Variants in BCAT1 observed in about 807,000 individuals in gnomAD.
BCAT1 encodes branched-chain-amino-acid aminotransferase, cytosolic.
In BCAT1, 48 loss-of-function variants were observed where a neutral mutation model predicts 52.4. The ratio of observed to expected loss-of-function variants is 0.92; its 90% confidence interval spans 0.73 to 1.16. The LOEUF is 1.16. Among genes scored for constraint, BCAT1 ranks in the 50% most tolerant of loss-of-function variants. The pLI is 0.00. For missense variants in BCAT1, 451 were observed against 457.1 expected, an observed-to-expected ratio of 0.99 and a Z score of 0.12; for synonymous variants, 167 against 161.3, an observed-to-expected ratio of 1.04 and a Z score of -0.27.
rs1472421250 is a variant in BCAT1 at position 24,813,053 on chromosome 12, T to C, written c.*4955A>G. 1 of 152,022 alleles carries C rather than the reference T, an allele frequency of 6.6e-6. No homozygotes were observed. The highest frequency in any genetic ancestry group is 2.4e-5 in the African/African-American group (1 of 41,438). 9.4% of individuals were successfully genotyped at this position (152,022 alleles called of 1,614,324 possible). A position where few individuals can be genotyped will look rare whatever the true frequency, so the allele number is the denominator to read the frequency against. ...GGGCACTTCAAATTTGTTCTTCTTT[T>C]TCTCCCCCATCACCCCCATTTCAAT... On this transcript the variant is annotated 3_prime_UTR_variant, in exon 11 of 11. Transcript: ENST00000261192.
At chr12:24,885,935 T>C (rs1238080612) in intron 3 of BCAT1, among the ~76,000 whole-genome samples, 2 of 152,160 alleles carry the variant, frequency 1.3e-5, no homozygotes, top group Non-Finnish European at 2.9e-5. Flanking sequence ...ATCTTTATAA[T>C]ATAAGGGCAG....
At chr12:24,912,568 CA>C (rs1352351959) in intron 1 of BCAT1, among the ~76,000 whole-genome samples, 1 of 151,198 alleles carries the variant, frequency 6.6e-6, no homozygotes, top group Non-Finnish European at 1.5e-5. Context: ...TACATACACC[CA>C]AAGGAGAAAA....
intron 5 of BCAT1, among the ~76,000 whole-genome samples, chr12:24,861,147 C>A (rs1289014860): frequency 6.6e-6 from 1 of 152,134 alleles, no homozygotes. Flanking sequence ...TTCATTGTTT[C>A]GAGTTTTTTC....
chr12:24,906,523 A>C (rs1249450239), intron 1 of BCAT1, among the ~76,000 whole-genome samples: 1 of 152,166 alleles, frequency 6.6e-6, no homozygotes, highest in African/African-American at 2.4e-5. Context: ...CTCCGCTGTA[A>C]AATGAGACAA....
intron 5 of BCAT1, among the ~76,000 whole-genome samples, chr12:24,877,128 T>C (rs1942371129): frequency 6.6e-6 from 1 of 152,188 alleles, no homozygotes; most frequent in Non-Finnish European, 1.5e-5. Flanking sequence ...AAGAAAACAC[T>C]TCGGTATTTA....
At chr12:24,879,651 A>G (rs1294387792) in intron 4 of BCAT1, among the ~76,000 whole-genome samples, 1 of 152,208 alleles carries the variant, frequency 6.6e-6, no homozygotes, top group East Asian at 1.9e-4. Flanking sequence ...AGCCCCTGGT[A>G]TTGCTGTCTA....
chr12:24,931,467 T>C (rs916289912), intron 1 of BCAT1, among the ~76,000 whole-genome samples: 2 of 152,002 alleles, frequency 1.3e-5, no homozygotes, highest in Non-Finnish European at 2.9e-5. Flanking sequence ...CTAGGATGAA[T>C]GACTAAGGAC....
At chr12:24,943,702 A>C (rs370947556) in intron 1 of BCAT1, among the ~76,000 whole-genome samples, 1 of 151,988 alleles carries the variant, frequency 6.6e-6, no homozygotes, top group East Asian at 1.9e-4. Flanking sequence ...AAGTAGTTTG[A>C]GGCCGGGAGC....
At chr12:24,912,512 TC>T (rs1943343899) in intron 1 of BCAT1, among the ~76,000 whole-genome samples, 1 of 151,878 alleles carries the variant, frequency 6.6e-6, no homozygotes, top group Non-Finnish European at 1.5e-5. Flanking sequence ...AGAGTGAGAC[TC>T]CATCTCAGAG....
Position 24,880,856 on chromosome 12 carries a change from T to TA in BCAT1, c.390+444dup, listed in dbSNP as rs1555110311. Among the ~76,000 whole-genome samples, 26 of 151,770 alleles carry TA rather than the reference T, an allele frequency of 1.7e-4. No individual in the cohort carries two copies. The East Asian group carries it at 5.0e-3, about 29-fold the overall frequency. On this transcript the variant is annotated intron_variant, in intron 4 of 10. Coordinates refer to ENST00000261192, the MANE Select transcript of BCAT1 (RefSeq NM_005504.7). Reference sequence around the variant, plus strand: ...TTTTTTGTTTTTTGTTTTTTTTTTTTACAGAGTCTCACTTTGCGGCTTAGG... The same window carrying TA: ...TTTTTTGTTTTTTGTTTTTTTTTTTTAACAGAGTCTCACTTTGCGGCTTAGG...
chr12:24,818,014 T>C lies in BCAT1; in HGVS notation c.1155A>G (p.Leu385=), dbSNP rs773691900. The change falls in exon 11 of 11, where the codon CTA becomes CTG. Residue 385 remains leucine (L), a synonymous_variant. Transcript: ENST00000261192. ...TGTATCCTCTATTTTCCATTCAGGA[T>C]AGCACAATTGTCCAGTCGCTCTCTT... ...GREESDWTIV[L]S 7 of 1,612,954 alleles carry C rather than the reference T, an allele frequency of 4.3e-6. No homozygotes were observed. In the Admixed American group the frequency reaches 5.0e-5, roughly 12 times the overall value.
At chr12:24,861,648 T>C (rs11047682) in intron 5 of BCAT1, among the ~76,000 whole-genome samples, 9,176 of 152,276 alleles carry the variant, frequency 0.06, 356 homozygotes, top group Non-Finnish European at 0.08. Context: ...ATTTTGGGAT[T>C]AAGGGTCCCT....
intron 1 of BCAT1, among the ~76,000 whole-genome samples, chr12:24,916,018 G>C (rs977692511): frequency 6.6e-6 from 1 of 152,096 alleles, no homozygotes; most frequent in African/African-American, 2.4e-5. Flanking sequence ...AATTAGCTGG[G>C]AGTAGCAACA....
At chr12:24,904,733 G>A (rs909222391) in intron 1 of BCAT1, 7 of 152,188 alleles carry the variant, frequency 4.6e-5, no homozygotes, top group Admixed American at 2.6e-4. Flanking sequence ...AAATAAAAAC[G>A]GTGTATCTAT....
At chr12:24,896,214 T>A (rs1942957262) in intron 2 of BCAT1, among the ~76,000 whole-genome samples, 1 of 152,226 alleles carries the variant, frequency 6.6e-6, no homozygotes, top group South Asian at 2.1e-4. Flanking sequence ...CTAAGTATAA[T>A]AAGTTTATTT....
intron 4 of BCAT1, among the ~76,000 whole-genome samples, chr12:24,880,284 A>G (rs776646034): frequency 2.5e-4 from 38 of 152,164 alleles, no homozygotes; most frequent in Non-Finnish European, 4.9e-4. Context: ...TCATGTCTCC[A>G]CTAAAAATAA....
chr12:24,842,310 A>G (rs1189054588), intron 6 of BCAT1, 86 bp from the exon 7 acceptor site: 60 of 1,446,976 alleles, frequency 4.1e-5, no homozygotes, highest in Non-Finnish European at 5.7e-5. Context: ...TCAAGCTCTT[A>G]ATTCACATGT....
intron 3 of BCAT1, among the ~76,000 whole-genome samples, chr12:24,887,087 A>ATG (rs1942699627): frequency 9.4e-6 from 1 of 105,870 alleles, no homozygotes; most frequent in South Asian, 3.1e-4. Context: ...AAAAATATAT[A>ATG]TATATATATA....
At chr12:24,829,008 AAAAT>A (rs1378156178) in intron 10 of BCAT1, among the ~76,000 whole-genome samples, 3 of 142,952 alleles carry the variant, frequency 2.1e-5, no homozygotes, top group Non-Finnish European at 4.5e-5. Context: ...CTTAGTCTCA[AAAAT>A]AAATAAGTAA....
Sources: gnomAD v4.1 joint callset for allele counts (sites outside exome capture counted in the v4.1 genomes callset) on GRCh38, gnomAD v4.1.1 for gene constraint, MANE v1.5 for transcripts, NCBI Gene and HGNC (gene_info 2026-07-23, HGNC 2026-07-21) for gene names.